Variants in LOXL2 observed in about 807,000 individuals in gnomAD.
LOXL2 encodes the protein lysyl oxidase homolog 2.
Under a neutral mutation model 93.0 loss-of-function variants are expected in LOXL2, and 70 were observed. The ratio of observed to expected loss-of-function variants is 0.75; its 90% CI spans 0.62 to 0.92. The LOEUF (loss-of-function observed/expected upper bound fraction) is 0.92. LOXL2 is among the 40% of genes least tolerant of loss of function. LOXL2 has a pLI of 0.00. For missense variants in LOXL2, 973 were observed against 1,054.9 expected (o/e 0.92, Z 1.08); for synonymous variants, 438 against 413.2 (o/e 1.06, Z -0.73).
In LOXL2 at chr8:23,376,368, G is replaced by A. The variant is rs540484278; in HGVS notation, c.-83-7934C>T. On this transcript the variant is annotated intron_variant, in intron 1 of 13. Transcript: ENST00000389131. ...GTATTTTATTGAGGATTTTTGCATC[G>A]ATATTCATCAGGGATATTGGTCTAA... is the stretch of plus-strand genomic sequence containing the variant. 1.4e-4 allele frequency among the ~76,000 whole-genome samples: 22 copies of A among 152,230 alleles called. 1 individual carries two copies. In the South Asian group the frequency reaches 3.9e-3, roughly 27 times the overall value.
intron 10 of LOXL2, among the ~76,000 whole-genome samples, chr8:23,308,750 C>T (rs1803271664): frequency 6.6e-6 from 1 of 152,126 alleles, no homozygotes; most frequent in Non-Finnish European, 1.5e-5. Context: ...TTCTTCTGTC[C>T]TTGTCTGGGA....
chr8:23,351,936 G>A (rs564538619), intron 3 of LOXL2, among the ~76,000 whole-genome samples: 17 of 152,212 alleles, frequency 1.1e-4, no homozygotes, highest in African/African-American at 3.4e-4. Flanking sequence ...AGCGATTCTC[G>A]AGTAGCTGGG....
At chr8:23,367,126 GCAGC>G (rs1804415039) in intron 2 of LOXL2, among the ~76,000 whole-genome samples, 1 of 152,174 alleles carries the variant, frequency 6.6e-6, no homozygotes, top group African/African-American at 2.4e-5. Flanking sequence ...ACGGCTCACT[GCAGC>G]CTCCGCCTCC....
chr8:23,328,530 G>A lies in LOXL2; in HGVS notation c.1002C>T (p.Ile334=), dbSNP rs754980655. ...PLVRLRGGAY[I]GEGRVEVLKN... Reference sequence around the variant, plus strand: ...TGAGCACCTCCACGCGGCCCTCCCCGATGTAGGCACCGCCTCTCAGTCGCA... The same window carrying A: ...TGAGCACCTCCACGCGGCCCTCCCCAATGTAGGCACCGCCTCTCAGTCGCA... The change falls in exon 6 of 14, where the codon ATC becomes ATT. Residue 334 remains isoleucine, a synonymous_variant. Coordinates refer to ENST00000389131, the MANE Select transcript of LOXL2 (RefSeq NM_002318.3). The A allele has an allele frequency of 1.4e-5, 23 of 1,613,854 alleles. No homozygotes were observed. The highest frequency in any genetic ancestry group is 1.6e-4 in the Middle Eastern group (1 of 6,084).
At chr8:23,376,351 T>C (rs967485316) in intron 1 of LOXL2, among the ~76,000 whole-genome samples, 7 of 152,226 alleles carry the variant, frequency 4.6e-5, no homozygotes, top group African/African-American at 1.7e-4. Flanking sequence ...CAGTATTTTA[T>C]TGAGGATTTT....
intron 1 of LOXL2, among the ~76,000 whole-genome samples, chr8:23,392,786 A>G (rs1418042671): frequency 6.6e-6 from 1 of 152,184 alleles, no homozygotes; most frequent in African/African-American, 2.4e-5. Context: ...ACTCTTTAAG[A>G]ATCGACTCAC....
intron 3 of LOXL2, among the ~76,000 whole-genome samples, chr8:23,352,603 C>T (rs963911369): frequency 1.3e-5 from 2 of 152,136 alleles, no homozygotes; most frequent in African/African-American, 2.4e-5. Context: ...AATGCTGAAA[C>T]ATTTGGCAGC....
At chr8:23,327,642 C>T (rs1803601875) in intron 6 of LOXL2, among the ~76,000 whole-genome samples, 1 of 152,176 alleles carries the variant, frequency 6.6e-6, no homozygotes, top group South Asian at 2.1e-4. Context: ...CACTCCTAGA[C>T]CGCACAGTCT....
chr8:23,376,115 C>G (rs187272601), intron 1 of LOXL2, among the ~76,000 whole-genome samples: 150 of 150,020 alleles, frequency 1.0e-3, no homozygotes, highest in African/African-American at 3.6e-3. Context: ...TACGTCTAAT[C>G]GATACCTAAT....
At chr8:23,402,315 A>G (rs1051855223) in intron 1 of LOXL2, among the ~76,000 whole-genome samples, 6 of 152,178 alleles carry the variant, frequency 3.9e-5, no homozygotes, top group African/African-American at 1.2e-4. Flanking sequence ...ACACATGCAT[A>G]CACAAACGTG....
intron 3 of LOXL2, among the ~76,000 whole-genome samples, chr8:23,348,493 A>G (rs1406013864): frequency 1.3e-5 from 2 of 151,918 alleles, no homozygotes; most frequent in Non-Finnish European, 2.9e-5. Context: ...ACTTGAGCCC[A>G]GGAGTTTGAG....
At chr8:23,365,143 G>C (rs1309510275) in intron 2 of LOXL2, 1 of 152,376 alleles carries the variant, frequency 6.6e-6, no homozygotes, top group Non-Finnish European at 1.5e-5. Flanking sequence ...AACGTCCCTG[G>C]TGCCCTCCCT....
At chr8:23,307,491 A>C (rs1288270322) in intron 10 of LOXL2, among the ~76,000 whole-genome samples, 1 of 152,190 alleles carries the variant, frequency 6.6e-6, no homozygotes, top group African/African-American at 2.4e-5. Context: ...GCAGGGAGCC[A>C]GGGTCTCCAG....
At chr8:23,327,530 G>T (rs551199258) in intron 6 of LOXL2, among the ~76,000 whole-genome samples, 3 of 152,032 alleles carry the variant, frequency 2.0e-5, no homozygotes, top group African/African-American at 7.2e-5. Context: ...CATAGCAGCC[G>T]ACGGTCTGCA....
In LOXL2 at chr8:23,328,402, G is replaced by A. The variant is rs1317643222; in HGVS notation, c.1130C>T (p.Thr377Ile). Residue 377 changes from threonine to isoleucine, a missense_variant, in exon 6 of 14, where the codon ACT (threonine) becomes ATT (isoleucine). Transcript: ENST00000389131. ...LGFGSAKEAV[T>I]GSRLGQGIGP... ...CTTACCTTGCCCCAGTCGGGAGCCA[G>A]TGACTGCCTCTTTGGCACTCCCAAA... 6.2e-7 allele frequency: 1 copy of A among 1,614,014 alleles called. No individual in the cohort carries two copies. The highest frequency in any genetic ancestry group is 1.7e-5 in the Admixed American group (1 of 60,032).
intron 3 of LOXL2, among the ~76,000 whole-genome samples, chr8:23,356,624 G>A (rs1804204379): frequency 6.6e-6 from 1 of 152,148 alleles, no homozygotes. Flanking sequence ...AAGGGAAGAA[G>A]TTGCAGGGGA....
intron 3 of LOXL2, among the ~76,000 whole-genome samples, chr8:23,353,530 C>T (rs573926895): frequency 4.3e-4 from 66 of 152,176 alleles, no homozygotes; most frequent in African/African-American, 1.3e-3. Flanking sequence ...GACTGGAACC[C>T]GGGGGTTCTG....
intron 1 of LOXL2, among the ~76,000 whole-genome samples, chr8:23,373,831 A>G (rs982039620): frequency 4.0e-5 from 6 of 149,482 alleles, no homozygotes; most frequent in Non-Finnish European, 8.9e-5. Context: ...TACTACCCCC[A>G]GCCTGGCACT....
At chr8:23,344,773 CTTGCAAGG>C (rs1291446117) in intron 3 of LOXL2, among the ~76,000 whole-genome samples, 2 of 152,114 alleles carry the variant, frequency 1.3e-5, no homozygotes, top group Non-Finnish European at 2.9e-5. Flanking sequence ...GATCGTGTTC[CTTGCAAGG>C]CCTTAGGAAA....
Sources: allele counts gnomAD v4.1 joint callset (sites outside exome capture counted in the v4.1 genomes callset), GRCh38; gene constraint gnomAD v4.1.1; transcripts MANE v1.5; gene names NCBI Gene and HGNC (gene_info 2026-07-23, HGNC 2026-07-21).